FANK1: variants seen among roughly 807,000 people sequenced by gnomAD.
FANK1 encodes fibronectin type III and ankyrin repeat domains 1.
Under a neutral mutation model 45.3 loss-of-function variants are expected in FANK1, and 44 were observed. The ratio of observed to expected loss-of-function variants is 0.97; its 90% CI spans 0.76 to 1.25. The LOEUF is 1.25. Ranked by LOEUF, FANK1 falls within the 50% of genes most tolerant of loss-of-function variation. The probability of loss-of-function intolerance (pLI) is 0.00; values close to 1 mark genes in which losing one functional copy is unlikely to be tolerated. For missense variants in FANK1, 391 were observed against 424.4 expected, an observed-to-expected ratio of 0.92 and a Z score of 0.69; for synonymous variants, 149 against 152.5, an observed-to-expected ratio of 0.98 and a Z score of 0.17.
chr10:125,897,334 C>T (rs8181468), intron 1 of FANK1, among the ~76,000 whole-genome samples: 1 of 148,954 alleles, frequency 6.7e-6, no homozygotes, highest in African/African-American at 2.5e-5. Flanking sequence ...CTCTAACTTA[C>T]TATTTTTGTT....
chr10:125,971,645 G>A (rs1277241250), intron 1 of FANK1, among the ~76,000 whole-genome samples: 3 of 151,978 alleles, frequency 2.0e-5, no homozygotes, highest in African/African-American at 2.4e-5. Context: ...TTTCTGAGAC[G>A]GAGTCTCGCT....
chr10:125,899,092 C>A (rs1017961475), intron 1 of FANK1, among the ~76,000 whole-genome samples: 1 of 152,076 alleles, frequency 6.6e-6, no homozygotes, highest in African/African-American at 2.4e-5. Context: ...CAGAGTTTCG[C>A]TGTTGTTGCC....
At chr10:125,920,542 G>A (rs543774163) in intron 1 of FANK1, among the ~76,000 whole-genome samples, 2 of 152,304 alleles carry the variant, frequency 1.3e-5, no homozygotes, top group East Asian at 3.9e-4. Context: ...TTGGCAGGAG[G>A]CCACATAAAC....
At chr10:125,953,989 A>G (rs935790888) in intron 1 of FANK1, among the ~76,000 whole-genome samples, 1 of 152,188 alleles carries the variant, frequency 6.6e-6, no homozygotes, top group Admixed American at 6.5e-5. Flanking sequence ...TGCTGCTCGC[A>G]AGTTTGGTCA....
chr10:126,001,849 T>A (rs368732345), intron 6 of FANK1, among the ~76,000 whole-genome samples: 16 of 152,100 alleles, frequency 1.1e-4, no homozygotes, highest in African/African-American at 3.1e-4. Context: ...CTCTGGATTG[T>A]TAAAATAATC....
At position 125,999,351 on chromosome 10, in the gene FANK1, C is replaced by A. The variant is rs557574011; in HGVS notation, c.539+1866C>A. 3.9e-5 allele frequency among the ~76,000 whole-genome samples: 6 copies of A among 151,954 alleles called. No individual in the cohort carries two copies. The South Asian group carries it at 6.3e-4, about 16-fold the overall frequency. ...AGTAGCTGGAACTATAGGCGCCCACCACCACACCCGGCTAACTTCTTGTAT... is the reference window on the plus strand; with the variant it reads ...AGTAGCTGGAACTATAGGCGCCCACAACCACACCCGGCTAACTTCTTGTAT... On this transcript the variant is annotated intron_variant, in intron 6 of 10. Transcript: ENST00000368693.
chr10:125,920,370 C>T (rs1251374374), intron 1 of FANK1, among the ~76,000 whole-genome samples: 5 of 152,078 alleles, frequency 3.3e-5, no homozygotes, highest in Non-Finnish European at 7.3e-5. Flanking sequence ...TTAAGTCTTT[C>T]ATAAGGTGGC....
At chr10:125,916,891 C>A (rs924191455) in intron 1 of FANK1, among the ~76,000 whole-genome samples, 2 of 152,158 alleles carry the variant, frequency 1.3e-5, no homozygotes, top group African/African-American at 4.8e-5. Context: ...GTGAGAGGTG[C>A]CCTCTCTGTC....
intron 1 of FANK1, among the ~76,000 whole-genome samples, chr10:125,968,766 A>G (rs1950319076): frequency 6.6e-6 from 1 of 152,132 alleles, no homozygotes; most frequent in Non-Finnish European, 1.5e-5. Context: ...TAAGCCTAAT[A>G]TTGTGTAGTG....
intron 8 of FANK1, 133 bp from the exon 9 acceptor site, chr10:126,008,921 A>G (rs1953442433): frequency 1.3e-6 from 1 of 789,482 alleles, no homozygotes; most frequent in Non-Finnish European, 2.0e-6. Context: ...CCTGCAGGCC[A>G]TGCAAAGCCA....
chr10:125,998,555 A>G (rs1336596304), intron 6 of FANK1, among the ~76,000 whole-genome samples: 3 of 152,164 alleles, frequency 2.0e-5, no homozygotes, highest in Non-Finnish European at 4.4e-5. Context: ...TAAAAAATAG[A>G]AAGGTTATTG....
intron 1 of FANK1, among the ~76,000 whole-genome samples, chr10:125,917,899 A>G (rs534477311): frequency 1.7e-3 from 262 of 152,304 alleles, no homozygotes; most frequent in African/African-American, 5.9e-3. Flanking sequence ...GCTAGACAAC[A>G]TAGTGAGACC....
intron 2 of FANK1, 116 bp downstream of exon 2, chr10:125,980,454 A>G (rs943834487): frequency 8.6e-7 from 1 of 1,166,328 alleles, no homozygotes; most frequent in Non-Finnish European, 1.2e-6. Flanking sequence ...AGTCAGCATC[A>G]TTTGTATTCA....
rs1030230454 is a variant in FANK1, at chr10:125,926,771, T to G, written c.13+30116T>G. On this transcript the variant is annotated intron_variant, in intron 1 of 10. Transcript: ENST00000368693. ...CCAGATCTTCCACTTGAGATCATTT[T>G]CTTCCTGCCTGAAATCTTTTTGGTA... 2.0e-5 allele frequency among the ~76,000 whole-genome samples: 3 copies of G among 152,170 alleles called. No individual in the cohort carries two copies. In the East Asian group the frequency reaches 5.8e-4, roughly 29 times the overall value.
At chr10:125,934,428 G>A (rs956350258) in intron 1 of FANK1, among the ~76,000 whole-genome samples, 6 of 152,070 alleles carry the variant, frequency 3.9e-5, no homozygotes, top group African/African-American at 7.2e-5. Context: ...TGAGCTGAGC[G>A]TGGCTCCAAG....
chr10:125,987,656 A>T (rs116163259), intron 2 of FANK1, among the ~76,000 whole-genome samples: 3,017 of 152,298 alleles, frequency 0.02, 85 homozygotes, highest in African/African-American at 0.065. Context: ...TGTTGGCAGA[A>T]AAGAGAAATG....
At chr10:125,942,723 T>A (rs1948529054) in intron 1 of FANK1, among the ~76,000 whole-genome samples, 1 of 152,162 alleles carries the variant, frequency 6.6e-6, no homozygotes, top group South Asian at 2.1e-4. Flanking sequence ...AACTGAATTA[T>A]CAAATCTACA....
Position 125,971,850 on chromosome 10 carries a change from G to C in FANK1, c.14-8311G>C, listed in dbSNP as rs183675862. Among the ~76,000 whole-genome samples, 155 of 152,164 alleles carry C rather than the reference G, an allele frequency of 1.0e-3. 1 individual carries two copies. The highest frequency in any genetic ancestry group is 2.6e-3 in the African/African-American group (109 of 41,500). ...TGTTAGCCAGGATGGTCTCGATCTC[G>C]TGACTTTGTGATTCGTCCACCTTGG... On this transcript the variant is annotated intron_variant, in intron 1 of 10. Transcript: ENST00000368693.
At chr10:125,925,812 A>T (rs1335391020) in intron 1 of FANK1, among the ~76,000 whole-genome samples, 1 of 150,284 alleles carries the variant, frequency 6.7e-6, no homozygotes, top group African/African-American at 2.5e-5. Flanking sequence ...TAACTGGATT[A>T]CTTAGTCCAT....
Sources: allele counts gnomAD v4.1 joint callset (sites outside exome capture counted in the v4.1 genomes callset), GRCh38; gene constraint gnomAD v4.1.1; transcripts MANE v1.5; gene names NCBI Gene and HGNC (gene_info 2026-07-23, HGNC 2026-07-21).